Variants in RFX1 observed in about 807,000 individuals in gnomAD.
The protein encoded by RFX1 is regulatory factor X1, also known as MHC class II regulatory factor RFX1.
Under a neutral mutation model 119.6 loss-of-function variants are expected in RFX1, and 42 were observed. The ratio of observed to expected loss-of-function variants is 0.35; its 90% CI spans 0.27 to 0.45. The LOEUF is 0.45. Ranked by LOEUF, RFX1 falls within the 20% of genes least tolerant of loss-of-function variation. RFX1 has a pLI of 1.00. For synonymous variants in RFX1, 628 were observed against 618.5 expected, an observed-to-expected ratio of 1.02 and a Z score of -0.23; for missense variants, 1,118 against 1,368.1, an observed-to-expected ratio of 0.82 and a Z score of 2.88.
intron 7 of RFX1, 94 bp downstream of exon 7, chr19:13,979,353 C>T: frequency 1.3e-6 from 1 of 791,256 alleles, no homozygotes. Context: ...CTCACAGAGG[C>T]ATTTCCCTCC....
At chr19:13,998,815 AAGAGAC>A (rs1975119179) in intron 1 of RFX1, among the ~76,000 whole-genome samples, 1 of 152,134 alleles carries the variant, frequency 6.6e-6, no homozygotes, top group African/African-American at 2.4e-5. Flanking sequence ...TCTCAGCCCT[AAGAGAC>A]CTGGCCCCTT....
At chr19:13,983,326 G>C (rs762413005) in intron 3 of RFX1, 56 bp from the exon 4 acceptor site, 9 of 1,429,986 alleles carry the variant, frequency 6.3e-6, no homozygotes, top group Non-Finnish European at 7.6e-6. Flanking sequence ...GAGGCCTGGC[G>C]TGGTTGGGTG....
At chr19:14,003,334 G>A (rs946970845) in intron 1 of RFX1, among the ~76,000 whole-genome samples, 1 of 139,778 alleles carries the variant, frequency 7.2e-6, no homozygotes, top group Non-Finnish European at 1.5e-5. Context: ...CCAGAGAACA[G>A]CCATTCAGCA....
chr19:13,972,664 C>T, intron 9 of RFX1, 79 bp downstream of exon 9: 2 of 1,155,204 alleles, frequency 1.7e-6, no homozygotes, highest in South Asian at 1.5e-5. Context: ...TGGTTGGTAA[C>T]CACCGTCATG....
At chr19:13,999,437 A>G (rs183338676) in intron 1 of RFX1, among the ~76,000 whole-genome samples, 38 of 152,320 alleles carry the variant, frequency 2.5e-4, no homozygotes, top group African/African-American at 9.1e-4. Context: ...CAGCTGTTCA[A>G]CTCTGCCACT....
rs565907745 is a variant in RFX1, at chr19:14,005,639, G to A, written c.-53+464C>T. On this transcript the variant is annotated intron_variant, in intron 1 of 20. Coordinates refer to ENST00000254325, the MANE Select transcript of RFX1 (RefSeq NM_002918.5). The stretch of plus-strand genomic sequence containing the variant: ...AACTGCAAAGCTCTTAAGGAAGAAG[G>A]GAGTCGCTTAAGGATCTGGAAGGCG... 2.6e-5 allele frequency among the ~76,000 whole-genome samples: 4 copies of A among 152,322 alleles called. No individual in the cohort carries two copies. In the East Asian group the frequency reaches 7.7e-4, roughly 29 times the overall value.
At chr19:13,970,850 G>A (rs956164592) in intron 9 of RFX1, among the ~76,000 whole-genome samples, 8 of 151,570 alleles carry the variant, frequency 5.3e-5, no homozygotes, top group African/African-American at 9.7e-5. Context: ...TGGGAGTGGC[G>A]GTGTGCGCCT....
intron 2 of RFX1, among the ~76,000 whole-genome samples, chr19:13,989,803 G>A (rs1228386676): frequency 6.6e-6 from 1 of 152,074 alleles, no homozygotes; most frequent in East Asian, 1.9e-4. Context: ...GCTGCTGGGA[G>A]GGGTCAGACT....
chr19:14,002,942 C>G (rs1975264315), intron 1 of RFX1, among the ~76,000 whole-genome samples: 1 of 152,204 alleles, frequency 6.6e-6, no homozygotes, highest in Non-Finnish European at 1.5e-5. Context: ...CCAGCTGCCT[C>G]CTGGAAGGCT....
chr19:13,995,233 G>C (rs1444015773), intron 1 of RFX1, among the ~76,000 whole-genome samples: 1 of 151,852 alleles, frequency 6.6e-6, no homozygotes, highest in African/African-American at 2.4e-5. Context: ...CTCCTGACTC[G>C]TCAGTTTATT....
chr19:13,966,166 A>G lies in RFX1; in HGVS notation c.1961+255T>C, dbSNP rs1258267102. 2.0e-5 allele frequency among the ~76,000 whole-genome samples: 3 copies of G among 152,030 alleles called. No homozygotes were observed. Among genetic ancestry groups the G allele is most frequent in the South Asian group, 4.1e-4 (2 of 4,822 alleles). On this transcript the variant is annotated intron_variant, in intron 14 of 20. Transcript: ENST00000254325. The surrounding 1 kb of genome is among the most constrained non-coding windows in gnomAD (Gnocchi z 6.3). ...CGGGATCCTATGCCCTACCCTCCAT[A>G]CAGGGGTCAAACAGATTCCAGAACC...
At position 13,986,643 on chromosome 19, in the gene RFX1, G is replaced by C. The variant is rs1023806556; in HGVS notation, c.320-3048C>G. Among the ~76,000 whole-genome samples the C allele has an allele frequency of 6.6e-6, 1 of 152,158 alleles. No homozygotes were observed. The highest frequency in any genetic ancestry group is 1.5e-5 in the Non-Finnish European group (1 of 68,008). On this transcript the variant is annotated intron_variant, in intron 2 of 20. Coordinates refer to ENST00000254325, the MANE Select transcript of RFX1 (RefSeq NM_002918.5). This position sits in a 1 kb window ranked among gnomAD's most constrained non-coding sequence, Gnocchi z 4.2. ...AGATCGCCACTCTGGGCATGCGCAGGAGGCCAGGGAGGCCCCCACTGTCTC... is the reference window on the plus strand; with the variant it reads ...AGATCGCCACTCTGGGCATGCGCAGCAGGCCAGGGAGGCCCCCACTGTCTC...
intron 1 of RFX1, among the ~76,000 whole-genome samples, chr19:14,000,382 A>G (rs1975176190): frequency 6.6e-6 from 1 of 152,116 alleles, no homozygotes; most frequent in Admixed American, 6.6e-5. Context: ...GCTACTCAGG[A>G]GGCTTAGGCA....
chr19:13,973,069 T>C lies in RFX1; in HGVS notation c.988A>G (p.Ser330Gly). The change falls in exon 9 of 21, where the codon AGC (serine) becomes GGC (glycine). Residue 330 changes from serine to glycine, a missense_variant. By Grantham distance (56) the Ser-to-Gly change is moderately conservative. This residue lies in a region of RFX1 where 542 missense variants were observed against 602.7 expected (regional missense o/e 0.90). Transcript: ENST00000254325. ...GCCGTGCCTGCGGCCTCGTAGTAGC[T>C]GGTGCTTGCCGTCTGCGTGTACAGC... ...TPLYTQTAST[S>G]YYEAAGTATQ... The C allele has an allele frequency of 1.2e-6, 2 of 1,601,566 alleles. No homozygotes were observed. Among genetic ancestry groups the C allele is most frequent in the Non-Finnish European group, 1.7e-6 (2 of 1,179,848 alleles).
At position 13,981,749 on chromosome 19, in the gene RFX1, C is replaced by T. The variant is rs571847469; in HGVS notation, c.621+372G>A. On this transcript the variant is annotated intron_variant, in intron 5 of 20. Transcript: ENST00000254325. ...GTGTTGTGGGTCCCCAGAATCTACCCTGTGGTCCAAGGCTTCCTGGAAGAG... is the reference window on the plus strand; with the variant it reads ...GTGTTGTGGGTCCCCAGAATCTACCTTGTGGTCCAAGGCTTCCTGGAAGAG... 2.6e-5 allele frequency among the ~76,000 whole-genome samples: 4 copies of T among 152,344 alleles called. No individual in the cohort carries two copies. In the East Asian group the frequency reaches 5.8e-4, roughly 22 times the overall value.
At position 13,968,361 on chromosome 19, in the gene RFX1, A is replaced by C. The variant is rs1314556648; in HGVS notation, c.1732+204T>G. On this transcript the variant is annotated intron_variant, in intron 12 of 20. Coordinates refer to ENST00000254325, the MANE Select transcript of RFX1 (RefSeq NM_002918.5). This position sits in a 1 kb window ranked among gnomAD's most constrained non-coding sequence, Gnocchi z 5.5. ...ATGCTTTGCATTGAAAGAAATGAGA[A>C]TCTACCTTGAAGAAGGATTCTAGGG... Among the ~76,000 whole-genome samples the C allele has an allele frequency of 1.3e-5, 2 of 152,128 alleles. No homozygotes were observed. Among genetic ancestry groups the C allele is most frequent in the Non-Finnish European group, 2.9e-5 (2 of 68,020 alleles).
At position 13,980,803 on chromosome 19, in the gene RFX1, G is replaced by T; in HGVS notation, c.622-114C>A. On this transcript the variant is annotated intron_variant, in intron 5 of 20. Coordinates refer to ENST00000254325, the MANE Select transcript of RFX1 (RefSeq NM_002918.5). This position sits in a 1 kb window ranked among gnomAD's most constrained non-coding sequence, Gnocchi z 5.1. ...CTGTCTGGGGAGGGCGGCAGTCTGTGGGGACCTATCCCAACCACCGAGGCT... is the reference window on the plus strand; with the variant it reads ...CTGTCTGGGGAGGGCGGCAGTCTGTTGGGACCTATCCCAACCACCGAGGCT... 1.6e-6 allele frequency: 1 copy of T among 626,368 alleles called. No individual in the cohort carries two copies. The highest frequency in any genetic ancestry group is 1.9e-5 in the South Asian group (1 of 51,500). The allele number at this position is 626,368 out of a possible 1,614,324, so 38.8% of individuals were successfully genotyped here. A position where few individuals can be genotyped will look rare whatever the true frequency, so the allele number is the denominator to read the frequency against.
At chr19:13,979,736 T>G (rs1213324249) in intron 6 of RFX1, among the ~76,000 whole-genome samples, 194 bp from the exon 7 acceptor site, 1 of 151,982 alleles carries the variant, frequency 6.6e-6, no homozygotes, top group African/African-American at 2.4e-5. Context: ...CAGGGCTGAG[T>G]TGAACCTGGG....
intron 2 of RFX1, among the ~76,000 whole-genome samples, chr19:13,984,704 A>T (rs1285580408): frequency 6.6e-6 from 1 of 152,042 alleles, no homozygotes; most frequent in Admixed American, 6.6e-5. Context: ...ACCATCAAGG[A>T]GCCAAGGTCC....
Sources: allele counts gnomAD v4.1 joint callset (sites outside exome capture counted in the v4.1 genomes callset), GRCh38; gene constraint gnomAD v4.1.1; regional missense constraint gnomAD v4.1.1; non-coding constraint Gnocchi (gnomAD v3.1); transcripts MANE v1.5; gene names NCBI Gene and HGNC (gene_info 2026-07-23, HGNC 2026-07-21).